Variants in FBXL17 observed in about 807,000 individuals in gnomAD.
FBXL17 encodes the protein F-box/LRR-repeat protein 17.
FBXL17 carries 22 observed loss-of-function variants against 66.2 expected under a neutral mutation model. The observed-to-expected ratio is 0.33, with a 90% CI of 0.24 to 0.47. FBXL17 has a LOEUF of 0.47. FBXL17 is among the 20% of genes least tolerant of loss of function. The probability of loss-of-function intolerance (pLI) is 1.00; values close to 1 mark genes in which losing one functional copy is unlikely to be tolerated. For missense variants in FBXL17, 878 were observed against 948.2 expected (o/e 0.93, Z 0.97); for synonymous variants, 474 against 400.5 (o/e 1.18, Z -2.19).
At chr5:107,946,758 T>C (rs1303621184) in intron 7 of FBXL17, among the ~76,000 whole-genome samples, 1 of 152,044 alleles carries the variant, frequency 6.6e-6, no homozygotes, top group Non-Finnish European at 1.5e-5. Context: ...ATAGTGTATA[T>C]ATTATAGTAC....
intron 7 of FBXL17, among the ~76,000 whole-genome samples, chr5:108,009,932 A>G (rs1754112035): frequency 6.6e-6 from 1 of 152,124 alleles, no homozygotes; most frequent in Non-Finnish European, 1.5e-5. Flanking sequence ...GGCACCTTCT[A>G]CCTCGAGAAT....
At chr5:108,301,170 T>G (rs1234207999) in intron 4 of FBXL17, among the ~76,000 whole-genome samples, 1 of 151,786 alleles carries the variant, frequency 6.6e-6, no homozygotes, top group Non-Finnish European at 1.5e-5. Flanking sequence ...AATTTATTAT[T>G]CCTGCCACTT....
chr5:107,949,950 C>T (rs1328499380), intron 7 of FBXL17, among the ~76,000 whole-genome samples: 1 of 152,146 alleles, frequency 6.6e-6, no homozygotes, highest in Non-Finnish European at 1.5e-5. Flanking sequence ...GTGAATGCCC[C>T]CCACCTCGTA....
intron 6 of FBXL17, among the ~76,000 whole-genome samples, chr5:108,042,948 T>C (rs890013470): frequency 6.6e-6 from 1 of 152,192 alleles, no homozygotes; most frequent in African/African-American, 2.4e-5. Flanking sequence ...AAAATCTCAA[T>C]TGTGGTTTTA....
intron 7 of FBXL17, among the ~76,000 whole-genome samples, chr5:107,987,582 C>T (rs1385860497): frequency 1.3e-5 from 2 of 151,982 alleles, no homozygotes; most frequent in Non-Finnish European, 2.9e-5. Context: ...GTTTCAGTGG[C>T]CTGGCATGAG....
At chr5:108,163,309 C>A (rs1175826261) in intron 6 of FBXL17, among the ~76,000 whole-genome samples, 1 of 151,264 alleles carries the variant, frequency 6.6e-6, no homozygotes, top group Non-Finnish European at 1.5e-5. Context: ...ATTGTGACAC[C>A]AAAGGCAAGG....
At chr5:108,065,040 T>G (rs1055863536) in intron 6 of FBXL17, among the ~76,000 whole-genome samples, 6 of 152,166 alleles carry the variant, frequency 3.9e-5, no homozygotes, top group African/African-American at 1.4e-4. Context: ...TTCTCCCTCT[T>G]CTATCCCTAG....
At chr5:108,284,019 T>C (rs745577923) in intron 4 of FBXL17, among the ~76,000 whole-genome samples, 3 of 151,778 alleles carry the variant, frequency 2.0e-5, no homozygotes, top group Non-Finnish European at 2.9e-5. Flanking sequence ...ATAGTTATTA[T>C]CAAAAAGACA....
intron 7 of FBXL17, among the ~76,000 whole-genome samples, chr5:108,006,605 G>C (rs1412862673): frequency 6.6e-6 from 1 of 152,154 alleles, no homozygotes; most frequent in East Asian, 1.9e-4. Flanking sequence ...GCCAGTGCAG[G>C]GATATGATGC....
At position 108,339,347 on chromosome 5, in the gene FBXL17, G is replaced by C. The variant is rs1323339952; in HGVS notation, c.1506+9052C>G. Reference sequence around the variant, plus strand: ...CAGGAAAATATCCTCATAGATGACAGGCTTAATGTACTACTAGCATGCCAC... The same window carrying C: ...CAGGAAAATATCCTCATAGATGACACGCTTAATGTACTACTAGCATGCCAC... On this transcript the variant is annotated intron_variant, in intron 4 of 8. Transcript: ENST00000542267. Among the ~76,000 whole-genome samples, 4 of 152,206 alleles carry C rather than the reference G, an allele frequency of 2.6e-5. No individual in the cohort carries two copies. In the East Asian group the frequency reaches 7.7e-4, roughly 29 times the overall value.
intron 3 of FBXL17, among the ~76,000 whole-genome samples, chr5:108,360,017 G>T (rs1748243017): frequency 2.0e-5 from 3 of 152,070 alleles, no homozygotes; most frequent in Admixed American, 2.0e-4. Context: ...CTTCCTGAAA[G>T]ATTAATATTT....
chr5:108,152,396 T>C (rs536476183), intron 6 of FBXL17, among the ~76,000 whole-genome samples: 1 of 152,174 alleles, frequency 6.6e-6, no homozygotes, highest in Non-Finnish European at 1.5e-5. Context: ...TCTTTCTATA[T>C]AGTCAATTTT....
chr5:107,975,696 T>C (rs1173357165), intron 7 of FBXL17, among the ~76,000 whole-genome samples: 1 of 152,058 alleles, frequency 6.6e-6, no homozygotes, highest in Non-Finnish European at 1.5e-5. Context: ...ACTTATTAAT[T>C]GAAATGGGTA....
chr5:108,160,890 C>T (rs1752185788), intron 6 of FBXL17, among the ~76,000 whole-genome samples: 1 of 152,004 alleles, frequency 6.6e-6, no homozygotes, highest in South Asian at 2.1e-4. Context: ...CTGCCGTCAA[C>T]CCAGAGGATT....
Position 108,301,867 on chromosome 5 carries a change from C to T in FBXL17, c.1506+46532G>A, listed in dbSNP as rs979995354. Reference sequence around the variant, plus strand: ...TAGATGCCTATCATACCAATAAATGCCTATTATGATTTTTAACTCTGATAA... The same window carrying T: ...TAGATGCCTATCATACCAATAAATGTCTATTATGATTTTTAACTCTGATAA... On this transcript the variant is annotated intron_variant, in intron 4 of 8. Transcript: ENST00000542267. The T allele has an allele frequency of 1.2e-4, 24 of 197,806 alleles. No homozygotes were observed. In the South Asian group the frequency reaches 1.2e-3, roughly 10 times the overall value. The allele number at this position is 197,806 out of a possible 1,614,324, so 12.3% of individuals were successfully genotyped here. A position where few individuals can be genotyped will look rare whatever the true frequency, so the allele number is the denominator to read the frequency against.
chr5:108,267,727 A>C (rs1377114656), intron 4 of FBXL17, among the ~76,000 whole-genome samples: 8 of 152,086 alleles, frequency 5.3e-5, no homozygotes, highest in Admixed American at 5.2e-4. Context: ...CAAGCAGATG[A>C]ATAAATAAAA....
intron 7 of FBXL17, among the ~76,000 whole-genome samples, chr5:107,954,983 G>A (rs193026432): frequency 9.6e-4 from 146 of 152,088 alleles, no homozygotes; most frequent in Admixed American, 2.2e-3. Flanking sequence ...CTGACACCCC[G>A]TAGATGTTAA....
chr5:108,224,265 T>C (rs1299533586), intron 4 of FBXL17, 37 bp from the exon 5 acceptor site: 3 of 1,258,516 alleles, frequency 2.4e-6, no homozygotes, highest in Admixed American at 1.8e-5. Flanking sequence ...TTCAAGGTAA[T>C]AGTCCAGTGA....
At chr5:108,226,336 AT>A (rs907521297) in intron 4 of FBXL17, among the ~76,000 whole-genome samples, 2 of 151,866 alleles carry the variant, frequency 1.3e-5, no homozygotes, top group African/African-American at 4.8e-5. Context: ...AAATAAATGA[AT>A]TTTTTTCCTT....
Sources: allele counts gnomAD v4.1 joint callset (sites outside exome capture counted in the v4.1 genomes callset), GRCh38; gene constraint gnomAD v4.1.1; transcripts MANE v1.5; gene names NCBI Gene and HGNC (gene_info 2026-07-23, HGNC 2026-07-21).